SYN3: variants seen among roughly 807,000 people sequenced by gnomAD.
The protein encoded by SYN3 is synapsin III, also known as synapsin-3.
Under a neutral mutation model 65.8 loss-of-function variants are expected in SYN3, and 35 were observed. That is an observed-to-expected ratio of 0.53 (90% confidence interval 0.41 to 0.70). The LOEUF is 0.70. Among genes scored for constraint, SYN3 ranks in the 30% least tolerant of loss-of-function variants. The pLI, the probability that SYN3 is intolerant of heterozygous loss-of-function variation, is 0.00. For missense variants in SYN3, 680 were observed against 749.0 expected, an observed-to-expected ratio of 0.91 and a Z score of 1.08; for synonymous variants, 270 against 292.9, an observed-to-expected ratio of 0.92 and a Z score of 0.80.
intron 1 of SYN3, among the ~76,000 whole-genome samples, chr22:33,050,495 A>G (rs375733875): frequency 6.6e-6 from 1 of 151,188 alleles, no homozygotes. Flanking sequence ...AAAAAAAAAA[A>G]AAAACAAAAC....
At chr22:32,612,580 G>C (rs1362764363) in intron 6 of SYN3, among the ~76,000 whole-genome samples, 1 of 152,156 alleles carries the variant, frequency 6.6e-6, no homozygotes, top group African/African-American at 2.4e-5. Flanking sequence ...GGTGGCTCAC[G>C]CCTGAAATCC....
intron 3 of SYN3, among the ~76,000 whole-genome samples, chr22:32,980,352 G>A (rs906392344): frequency 2.0e-4 from 31 of 152,144 alleles, no homozygotes; most frequent in African/African-American, 7.0e-4. Context: ...GACAGAAGTT[G>A]GGCTCCACCT....
intron 7 of SYN3, among the ~76,000 whole-genome samples, chr22:32,593,619 G>A (rs1396456799): frequency 1.3e-5 from 2 of 152,176 alleles, no homozygotes; most frequent in African/African-American, 4.8e-5. Flanking sequence ...AGGAGGAGAA[G>A]GAGGGAGGTG....
chr22:32,567,611 G>T (rs1486171579), intron 7 of SYN3, among the ~76,000 whole-genome samples: 1 of 152,142 alleles, frequency 6.6e-6, no homozygotes, highest in Non-Finnish European at 1.5e-5. Flanking sequence ...CACATGTGGA[G>T]CTGGCATGGT....
intron 6 of SYN3, among the ~76,000 whole-genome samples, chr22:32,743,579 G>GT (rs2044840251): frequency 3.3e-5 from 5 of 152,166 alleles, no homozygotes; most frequent in Admixed American, 3.3e-4. Context: ...TTGGGAAGAG[G>GT]TAAGTTCTAG....
chr22:32,683,374 C>A (rs2060549309), intron 6 of SYN3, among the ~76,000 whole-genome samples: 1 of 152,112 alleles, frequency 6.6e-6, no homozygotes, highest in Admixed American at 6.5e-5. Context: ...GCTTCCATGG[C>A]CATACTTTTT....
chr22:32,793,409 T>C (rs184638402), intron 6 of SYN3, among the ~76,000 whole-genome samples: 2 of 152,268 alleles, frequency 1.3e-5, no homozygotes, highest in East Asian at 3.9e-4. Flanking sequence ...ATAATCTGAG[T>C]TCCTAAACAA....
intron 6 of SYN3, among the ~76,000 whole-genome samples, chr22:32,649,225 T>G (rs904997342): frequency 1.4e-4 from 22 of 152,344 alleles, no homozygotes; most frequent in African/African-American, 4.8e-4. Flanking sequence ...ATGACCCTCT[T>G]GTACTGCTGC....
At chr22:32,970,268 A>T (rs2051976811) in intron 3 of SYN3, among the ~76,000 whole-genome samples, 1 of 152,296 alleles carries the variant, frequency 6.6e-6, no homozygotes, top group Middle Eastern at 3.4e-3. Context: ...AAGGTTACTC[A>T]GGAAGTGGTG....
At chr22:33,012,705 C>T (rs777015117) in intron 1 of SYN3, among the ~76,000 whole-genome samples, 7 of 152,232 alleles carry the variant, frequency 4.6e-5, no homozygotes, top group Non-Finnish European at 1.0e-4. Flanking sequence ...GGCACATGGA[C>T]CTGGGGCATC....
At chr22:32,668,566 A>T (rs1286375306) in intron 6 of SYN3, among the ~76,000 whole-genome samples, 2 of 136,248 alleles carry the variant, frequency 1.5e-5, no homozygotes. Flanking sequence ...TCCTTCCTCC[A>T]CTCCTGCCTT....
chr22:32,929,617 T>C (rs1408847067), intron 4 of SYN3, among the ~76,000 whole-genome samples: 1 of 152,200 alleles, frequency 6.6e-6, no homozygotes, highest in Non-Finnish European at 1.5e-5. Flanking sequence ...ATGCCTGAGG[T>C]TTCCTGGAGG....
intron 1 of SYN3, 108 bp from the exon 2 acceptor site, chr22:33,006,932 C>T: frequency 3.0e-6 from 1 of 328,334 alleles, no homozygotes; most frequent in East Asian, 4.7e-5. Flanking sequence ...TAAATTAGGA[C>T]ATCCTTCTGG....
chr22:32,650,034 T>C (rs1030256198), intron 6 of SYN3, among the ~76,000 whole-genome samples: 5 of 152,042 alleles, frequency 3.3e-5, no homozygotes, highest in Admixed American at 2.0e-4. Context: ...TTCCTGGAGG[T>C]GAACTCTTAC....
intron 2 of SYN3, among the ~76,000 whole-genome samples, chr22:32,981,099 C>T (rs2052359157): frequency 6.6e-6 from 1 of 151,070 alleles, no homozygotes; most frequent in African/African-American, 2.4e-5. Context: ...AGGCAATCCA[C>T]CCACCTCGCC....
At chr22:32,735,778 CT>C (rs1385605696) in intron 6 of SYN3, among the ~76,000 whole-genome samples, 1 of 152,190 alleles carries the variant, frequency 6.6e-6, no homozygotes, top group Non-Finnish European at 1.5e-5. Flanking sequence ...CATTTTCATC[CT>C]TTTATGAGCT....
At chr22:32,625,032 T>G (rs1415642818) in intron 6 of SYN3, among the ~76,000 whole-genome samples, 1 of 152,208 alleles carries the variant, frequency 6.6e-6, no homozygotes, top group African/African-American at 2.4e-5. Context: ...TCCTATCACT[T>G]GCCCGCTGCC....
intron 6 of SYN3, among the ~76,000 whole-genome samples, chr22:32,747,992 G>A (rs565203544): frequency 5.4e-4 from 83 of 152,356 alleles, no homozygotes; most frequent in Non-Finnish European, 8.7e-4. Context: ...ATCACCAAGA[G>A]TCCACCAGCC....
chr22:33,028,844 T>A (rs1370075768), intron 1 of SYN3, among the ~76,000 whole-genome samples: 1 of 151,996 alleles, frequency 6.6e-6, no homozygotes, highest in Non-Finnish European at 1.5e-5. Flanking sequence ...ATCGAGACCA[T>A]CCTGGCTAAG....
Sources: allele counts gnomAD v4.1 joint callset (sites outside exome capture counted in the v4.1 genomes callset), GRCh38; gene constraint gnomAD v4.1.1; transcripts MANE v1.5; gene names NCBI Gene and HGNC (gene_info 2026-07-23, HGNC 2026-07-21).